Variants in PDIA4 observed in about 807,000 individuals in gnomAD.
PDIA4 encodes protein disulfide-isomerase A4.
In PDIA4, 33 loss-of-function variants were observed where a neutral mutation model predicts 62.1. The observed-to-expected ratio is 0.53, with a 90% CI of 0.40 to 0.71. PDIA4 has a LOEUF of 0.71. Ranked by LOEUF, PDIA4 falls within the 30% of genes least tolerant of loss-of-function variation. The pLI is 0.00. For missense variants in PDIA4, 804 were observed against 813.6 expected, an observed-to-expected ratio of 0.99 and a Z score of 0.14; for synonymous variants, 341 against 324.1, an observed-to-expected ratio of 1.05 and a Z score of -0.56.
chr7:149,011,712 T>C (rs918115194), intron 6 of PDIA4, 134 bp downstream of exon 6: 23 of 685,368 alleles, frequency 3.4e-5, no homozygotes, highest in Non-Finnish European at 4.4e-5. Context: ...AACCCCAGAA[T>C]GGAAAGCTTA....
Position 149,005,369 on chromosome 7 carries a change from G to A in PDIA4, c.1294C>T (p.Gln432Ter), listed in dbSNP as rs1256846451. 1.9e-6 allele frequency: 3 copies of A among 1,612,578 alleles called. No individual in the cohort carries two copies. The highest frequency in any genetic ancestry group is 2.5e-6 in the Non-Finnish European group (3 of 1,178,734). Residue 432 changes from glutamine to a stop codon, truncating the protein, a stop_gained, in exon 9 of 10, where the codon CAG becomes TAG. Coordinates refer to ENST00000652332, the MANE Select transcript of PDIA4 (RefSeq NM_004911.5). LOFTEE classifies it high-confidence loss of function. ...TCTAGGACTTTGCTCCGCCAAAACT[G>A]AGTTGCTGAAAGGGACCAAGGGCCA... ...DFSFDYRAAT[Q>*]FWRSKVLEVA...
At chr7:149,018,849 C>T (rs1824240088) in intron 3 of PDIA4, 143 bp downstream of exon 3, 1 of 199,060 alleles carries the variant, frequency 5.0e-6, no homozygotes, top group Admixed American at 5.4e-5. Flanking sequence ...CACCCCCACC[C>T]CAAGAGCAAA....
intron 3 of PDIA4, among the ~76,000 whole-genome samples, chr7:149,017,785 C>T (rs961873967): frequency 6.6e-6 from 1 of 152,064 alleles, no homozygotes; most frequent in Non-Finnish European, 1.5e-5. Context: ...CATGTAGTGT[C>T]TAATGTGAGC....
At chr7:149,026,510 G>A (rs1415920297) in intron 1 of PDIA4, among the ~76,000 whole-genome samples, 2 of 152,150 alleles carry the variant, frequency 1.3e-5, no homozygotes, top group African/African-American at 4.8e-5. Flanking sequence ...AATTAGCTGG[G>A]TGTGGTGGCA....
chr7:149,020,864 G>A (rs1483339471), intron 2 of PDIA4, 103 bp downstream of exon 2: 57 of 1,478,218 alleles, frequency 3.9e-5, no homozygotes, highest in South Asian at 2.7e-4. Flanking sequence ...CCTGCACCCA[G>A]ACACTCCTAC....
intron 8 of PDIA4, 130 bp from the exon 9 acceptor site, chr7:149,005,504 G>C: frequency 1.5e-6 from 1 of 654,018 alleles, no homozygotes; most frequent in South Asian, 1.8e-5. Flanking sequence ...ACCTCAATTG[G>C]AGGGAAACAT....
At chr7:149,008,392 G>A (rs1304191329) in intron 6 of PDIA4, 82 bp from the exon 7 acceptor site, 1 of 1,440,480 alleles carries the variant, frequency 6.9e-7, no homozygotes, top group Non-Finnish European at 9.6e-7. Flanking sequence ...ATCAGCCAAA[G>A]CAAATGTTCT....
In PDIA4 at chr7:149,027,943, C is replaced by T. The variant is rs560496646; in HGVS notation, c.88+378G>A. On this transcript the variant is annotated intron_variant, in intron 1 of 9. Transcript: ENST00000652332. ...TCTCCAGTGGCTCTCCCTCTCCCTT[C>T]CCACTGCCTGGGCGCGTTCGCCTGG... The T allele has an allele frequency of 2.6e-5, 13 of 500,188 alleles. No individual in the cohort carries two copies. In the East Asian group the frequency reaches 6.0e-4, roughly 23 times the overall value. The allele number at this position is 500,188 out of a possible 1,614,324, so 31.0% of individuals were successfully genotyped here. A position where few individuals can be genotyped will look rare whatever the true frequency, so the allele number is the denominator to read the frequency against.
intron 6 of PDIA4, among the ~76,000 whole-genome samples, chr7:149,010,866 G>A (rs983478975): frequency 6.6e-6 from 1 of 152,200 alleles, no homozygotes; most frequent in Non-Finnish European, 1.5e-5. Context: ...AATTCCCTGG[G>A]GATTTGCATG....
chr7:149,012,261 G>C lies in PDIA4; in HGVS notation c.714C>G (p.Thr238=), dbSNP rs61739280. 6.2e-6 allele frequency: 10 copies of C among 1,614,146 alleles called. No individual in the cohort carries two copies. The Admixed American group carries it at 1.7e-4, about 27-fold the overall frequency. The part of the protein sequence containing the change: ...PPIPLAKVDA[T]AETDLAKRFD... The stretch of plus-strand genomic sequence containing the variant: ...ACCTCTTGGCCAGGTCTGTTTCTGC[G>C]GTGGCGTCGACCTTTGCCAGGGGAA... The change falls in exon 5 of 10, where the codon ACC becomes ACG. Residue 238 remains threonine (T), a synonymous_variant. Coordinates refer to ENST00000652332, the MANE Select transcript of PDIA4 (RefSeq NM_004911.5).
chr7:149,021,562 T>A (rs909449540), intron 1 of PDIA4, among the ~76,000 whole-genome samples: 2 of 150,432 alleles, frequency 1.3e-5, no homozygotes, highest in African/African-American at 2.4e-5. Context: ...GGGTGGTCCC[T>A]GGGGGCCCAC....
At chr7:149,013,315 G>A (rs1824017930) in intron 4 of PDIA4, among the ~76,000 whole-genome samples, 2 of 152,164 alleles carry the variant, frequency 1.3e-5, no homozygotes, top group African/African-American at 4.8e-5. Flanking sequence ...CCTGAGTTAA[G>A]ATAAAACACC....
intron 4 of PDIA4, among the ~76,000 whole-genome samples, chr7:149,012,769 G>C (rs1297792996): frequency 6.6e-6 from 1 of 152,166 alleles, no homozygotes; most frequent in Non-Finnish European, 1.5e-5. Context: ...TAGGATCCAA[G>C]GGACAGCGAG....
chr7:149,014,358 C>A (rs1285389996), intron 4 of PDIA4, among the ~76,000 whole-genome samples: 3 of 152,082 alleles, frequency 2.0e-5, no homozygotes, highest in South Asian at 2.1e-4. Flanking sequence ...GTCAGACATA[C>A]CAGGACTGCT....
At chr7:149,005,674 A>G (rs943841722) in intron 8 of PDIA4, among the ~76,000 whole-genome samples, 3 of 152,070 alleles carry the variant, frequency 2.0e-5, no homozygotes, top group Non-Finnish European at 2.9e-5. Flanking sequence ...AGCTACGTCA[A>G]CTCTAAGAGG....
chr7:149,024,039 G>C (rs1321542754), intron 1 of PDIA4, among the ~76,000 whole-genome samples: 1 of 152,154 alleles, frequency 6.6e-6, no homozygotes, highest in Non-Finnish European at 1.5e-5. Flanking sequence ...CTGAGGTCAG[G>C]AGTTTGAGAC....
chr7:149,025,085 A>ATATATATATATATATAT (rs1279233879), intron 1 of PDIA4, among the ~76,000 whole-genome samples: 3 of 22,336 alleles, frequency 1.3e-4, no homozygotes, highest in African/African-American at 1.8e-4. Flanking sequence ...AAAAAAAAAA[A>ATATATATATATATATAT]ATATATATAT....
At chr7:149,018,052 A>C (rs2129505138) in intron 3 of PDIA4, among the ~76,000 whole-genome samples, 1 of 151,998 alleles carries the variant, frequency 6.6e-6, no homozygotes, top group South Asian at 2.1e-4. Flanking sequence ...ACATGGTGAA[A>C]CCCCGTCTCT....
Position 149,012,338 on chromosome 7 carries a change from C to T in PDIA4, c.637G>A (p.Ala213Thr). The T allele has an allele frequency of 6.2e-7, 1 of 1,613,454 alleles. No homozygotes were observed. Among genetic ancestry groups the T allele is most frequent in the Non-Finnish European group, 8.5e-7 (1 of 1,180,014 alleles). ...APWCGHCKKL[A>T]PEYEKAAKEL... Reference sequence around the variant, plus strand: ...TTGGCGGCCTTCTCATACTCGGGGGCAAGTTTCTTGCAGTGTCCACACCTG... The same window carrying T: ...TTGGCGGCCTTCTCATACTCGGGGGTAAGTTTCTTGCAGTGTCCACACCTG... The change falls in exon 5 of 10, where the codon GCC (alanine) becomes ACC (threonine). Residue 213 changes from alanine (A) to threonine (T), a missense_variant. By Grantham distance (58) the Ala-to-Thr change is moderately conservative. Transcript: ENST00000652332.
Sources: gnomAD v4.1 joint callset for allele counts (sites outside exome capture counted in the v4.1 genomes callset) on GRCh38, gnomAD v4.1.1 for gene constraint, MANE v1.5 for transcripts, NCBI Gene and HGNC (gene_info 2026-07-23, HGNC 2026-07-21) for gene names.